ST6GALNAC3: variants seen among roughly 807,000 people sequenced by gnomAD.
ST6GALNAC3 encodes the protein alpha-N-acetylgalactosaminide alpha-2,6-sialyltransferase 3.
A neutral mutation model predicts 32.7 loss-of-function variants in ST6GALNAC3; 25 were observed. The ratio of observed to expected loss-of-function variants is 0.76; its 90% CI spans 0.56 to 1.07. The LOEUF is 1.07. ST6GALNAC3 is among the 50% of genes least tolerant of loss of function. The probability of loss-of-function intolerance (pLI) is 0.00; values close to 1 mark genes in which losing one functional copy is unlikely to be tolerated. For synonymous variants in ST6GALNAC3, 129 were observed against 133.1 expected, an observed-to-expected ratio of 0.97 and a Z score of 0.21; for missense variants, 355 against 382.4, an observed-to-expected ratio of 0.93 and a Z score of 0.60.
At chr1:76,333,555 T>C (rs1466981864) in intron 2 of ST6GALNAC3, among the ~76,000 whole-genome samples, 1 of 152,216 alleles carries the variant, frequency 6.6e-6, no homozygotes, top group Non-Finnish European at 1.5e-5. Flanking sequence ...GGCTTTTATA[T>C]TCATCATTAT....
intron 3 of ST6GALNAC3, among the ~76,000 whole-genome samples, chr1:76,426,533 G>A (rs1655398355): frequency 6.6e-6 from 1 of 150,728 alleles, no homozygotes; most frequent in African/African-American, 2.4e-5. Context: ...CCTGCCTGCA[G>A]CTGTTTTACA....
At chr1:76,122,281 T>C (rs1193616288) in intron 1 of ST6GALNAC3, among the ~76,000 whole-genome samples, 1 of 152,222 alleles carries the variant, frequency 6.6e-6, no homozygotes, top group Non-Finnish European at 1.5e-5. Context: ...GGGTAGAATG[T>C]GCTCTTCTCT....
intron 1 of ST6GALNAC3, among the ~76,000 whole-genome samples, chr1:76,174,457 A>G (rs950452721): frequency 1.1e-4 from 16 of 151,980 alleles, no homozygotes; most frequent in Non-Finnish European, 1.8e-4. Context: ...AGAAATAAAA[A>G]AATTTCAGTG....
At chr1:76,265,825 G>C (rs542928285) in intron 1 of ST6GALNAC3, among the ~76,000 whole-genome samples, 2 of 152,158 alleles carry the variant, frequency 1.3e-5, no homozygotes, top group African/African-American at 4.8e-5. Flanking sequence ...TTCTCAAATA[G>C]TTGTGTGCAT....
chr1:76,309,836 C>T (rs981153857), intron 1 of ST6GALNAC3: 6 of 405,070 alleles, frequency 1.5e-5, no homozygotes, highest in Non-Finnish European at 3.0e-5. Context: ...TCCCTTCACC[C>T]TCTCTGTGCT....
At chr1:76,476,600 A>G (rs1318538397) in intron 3 of ST6GALNAC3, among the ~76,000 whole-genome samples, 1 of 152,122 alleles carries the variant, frequency 6.6e-6, no homozygotes, top group East Asian at 1.9e-4. Flanking sequence ...CAGTGCAATG[A>G]GGTTAGGTAT....
intron 1 of ST6GALNAC3, among the ~76,000 whole-genome samples, chr1:76,204,043 C>T (rs1654684750): frequency 6.6e-6 from 1 of 152,148 alleles, no homozygotes; most frequent in Non-Finnish European, 1.5e-5. Flanking sequence ...TGTTTATCCC[C>T]TTACCCCCAC....
At chr1:76,477,956 T>C (rs1659462080) in intron 3 of ST6GALNAC3, among the ~76,000 whole-genome samples, 1 of 152,164 alleles carries the variant, frequency 6.6e-6, no homozygotes. Context: ...CCTATGGGCC[T>C]GTGATCAGAA....
At chr1:76,286,996 CAATCTTCTCTG>C (rs1462455581) in intron 1 of ST6GALNAC3, among the ~76,000 whole-genome samples, 2 of 152,246 alleles carry the variant, frequency 1.3e-5, no homozygotes, top group African/African-American at 4.8e-5. Context: ...GTATGTTCTT[CAATCTTCTCTG>C]AATTCTGGAC....
chr1:76,439,937 C>T (rs769738717), intron 3 of ST6GALNAC3, among the ~76,000 whole-genome samples: 1 of 152,180 alleles, frequency 6.6e-6, no homozygotes, highest in Non-Finnish European at 1.5e-5. Context: ...GATAATACTA[C>T]CTCATAGGAT....
At chr1:76,323,658 T>C (rs1647012702) in intron 2 of ST6GALNAC3, among the ~76,000 whole-genome samples, 1 of 152,214 alleles carries the variant, frequency 6.6e-6, no homozygotes, top group Admixed American at 6.5e-5. Context: ...AATTTTTTCA[T>C]AATGTTAAAG....
rs55744575 is a variant in ST6GALNAC3 at position 76,614,718 on chromosome 1, C to CAA, written c.624-12699_624-12698dup. ...TGGGTGACAGAGCGAGACTCCATCT[C>CAA]AAAAAAAAAAAAAAAAAAAAAAAAA... On this transcript the variant is annotated intron_variant, in intron 3 of 4. Transcript: ENST00000328299. Among the ~76,000 whole-genome samples the CAA allele has an allele frequency of 2.1e-3, 143 of 67,514 alleles. 3 individuals are homozygous for CAA. Among genetic ancestry groups the CAA allele is most frequent in the African/African-American group, 6.0e-3 (88 of 14,690 alleles). The allele number at this position is 67,514 out of a possible 152,430, so 44.3% of individuals were successfully genotyped here. A position where few individuals can be genotyped will look rare whatever the true frequency, so the allele number is the denominator to read the frequency against.
At chr1:76,613,874 T>C (rs1289173363) in intron 3 of ST6GALNAC3, among the ~76,000 whole-genome samples, 2 of 152,244 alleles carry the variant, frequency 1.3e-5, no homozygotes, top group African/African-American at 2.4e-5. Context: ...CAAGTAGTTC[T>C]TTGTAGCAAT....
chr1:76,226,188 GGT>G (rs1656059593), intron 1 of ST6GALNAC3, among the ~76,000 whole-genome samples: 1 of 152,132 alleles, frequency 6.6e-6, no homozygotes. Flanking sequence ...GATAGTAGAG[GGT>G]GTGAAATATT....
chr1:76,298,100 C>T (rs3862905), intron 1 of ST6GALNAC3, among the ~76,000 whole-genome samples: 27,217 of 151,930 alleles, frequency 0.18, 3,111 homozygotes, highest in East Asian at 0.5. Flanking sequence ...GCTGGAGGAA[C>T]AGTCAGAGGT....
intron 1 of ST6GALNAC3, among the ~76,000 whole-genome samples, chr1:76,156,768 C>G (rs370108249): frequency 1.4e-3 from 213 of 152,266 alleles, no homozygotes; most frequent in Middle Eastern, 6.8e-3. Flanking sequence ...GTCTCGCTCT[C>G]TCGCCCAGGC....
chr1:76,327,984 G>A (rs1431805090), intron 2 of ST6GALNAC3, among the ~76,000 whole-genome samples: 1 of 152,166 alleles, frequency 6.6e-6, no homozygotes, highest in East Asian at 1.9e-4. Flanking sequence ...TTAATGAATT[G>A]TTGAATTTGA....
At chr1:76,128,638 A>G (rs564601879) in intron 1 of ST6GALNAC3, among the ~76,000 whole-genome samples, 1 of 152,298 alleles carries the variant, frequency 6.6e-6, no homozygotes, top group African/African-American at 2.4e-5. Flanking sequence ...CAGAACAAAC[A>G]GCTCCCCCAA....
At chr1:76,617,012 G>T (rs2100689325) in intron 3 of ST6GALNAC3, among the ~76,000 whole-genome samples, 1 of 152,296 alleles carries the variant, frequency 6.6e-6, no homozygotes, top group Admixed American at 6.5e-5. Context: ...GATCCCAGCA[G>T]TACTGGAGCC....
Sources: allele counts gnomAD v4.1 joint callset (sites outside exome capture counted in the v4.1 genomes callset), GRCh38; gene constraint gnomAD v4.1.1; transcripts MANE v1.5; gene names NCBI Gene and HGNC (gene_info 2026-07-23, HGNC 2026-07-21).